NHSL1: variants seen among roughly 807,000 people sequenced by gnomAD.
NHSL1 encodes NHS-like protein 1.
In NHSL1, 48 loss-of-function variants were observed where a neutral mutation model predicts 95.0. That is an observed-to-expected ratio of 0.51 (90% confidence interval 0.40 to 0.64). The LOEUF is 0.64. NHSL1 is among the 30% of genes least tolerant of loss of function. NHSL1 has a pLI of 0.00. For missense variants in NHSL1, 1,971 were observed against 2,077.7 expected (o/e 0.95, Z 1.00); for synonymous variants, 783 against 833.9 (o/e 0.94, Z 1.05).
chr6:138,642,313 A>G (rs75223517), intron 1 of NHSL1, among the ~76,000 whole-genome samples: 6,946 of 152,298 alleles, frequency 0.046, 222 homozygotes, highest in South Asian at 0.076. Context: ...TTGCAATTTT[A>G]TACACACATG....
chr6:138,554,088 G>A (rs2128335337), intron 1 of NHSL1, among the ~76,000 whole-genome samples: 1 of 152,306 alleles, frequency 6.6e-6, no homozygotes, highest in East Asian at 1.9e-4. Flanking sequence ...ATAAGGAACT[G>A]TATTATAGGA....
At chr6:138,550,786 C>T (rs1456891443) in intron 1 of NHSL1, among the ~76,000 whole-genome samples, 22 of 152,146 alleles carry the variant, frequency 1.4e-4, no homozygotes, top group Non-Finnish European at 1.5e-5. Flanking sequence ...CAAAATTTGA[C>T]TTCATTCCTG....
intron 1 of NHSL1, among the ~76,000 whole-genome samples, chr6:138,638,273 T>C (rs1029655205): frequency 6.6e-6 from 1 of 152,144 alleles, no homozygotes; most frequent in Non-Finnish European, 1.5e-5. Context: ...GAATAAGACA[T>C]AGTATTTGAC....
At chr6:138,674,635 C>A (rs1785424767) in intron 1 of NHSL1, among the ~76,000 whole-genome samples, 1 of 152,160 alleles carries the variant, frequency 6.6e-6, no homozygotes, top group Non-Finnish European at 1.5e-5. Flanking sequence ...CGTGTCCCTG[C>A]AAAGAACATG....
chr6:138,535,928 C>G (rs1045482956), intron 1 of NHSL1, among the ~76,000 whole-genome samples: 2 of 152,148 alleles, frequency 1.3e-5, no homozygotes, highest in Non-Finnish European at 2.9e-5. Context: ...GGCATCCATA[C>G]AGACTGATCT....
At chr6:138,583,137 G>A (rs1046921717) in intron 1 of NHSL1, among the ~76,000 whole-genome samples, 2 of 152,142 alleles carry the variant, frequency 1.3e-5, no homozygotes, top group East Asian at 3.9e-4. Flanking sequence ...AGGATGGCTG[G>A]TCACCTTGGC....
chr6:138,607,985 C>A (rs1016699959), intron 1 of NHSL1, among the ~76,000 whole-genome samples: 1 of 152,196 alleles, frequency 6.6e-6, no homozygotes, highest in Non-Finnish European at 1.5e-5. Context: ...GGGCTGAGCT[C>A]CCCCAAGTCC....
At position 138,424,704 on chromosome 6, in the gene NHSL1, T is replaced by G; in HGVS notation, c.4198A>C (p.Lys1400Gln). 1 of 1,551,502 alleles carries G rather than the reference T, an allele frequency of 6.4e-7. No homozygotes were observed. Residue 1400 changes from lysine to glutamine, a missense_variant, in exon 8 of 8, where the codon AAG (lysine) becomes CAG (glutamine). Transcript: ENST00000343505. The surrounding 1 kb of genome is among the most constrained non-coding windows in gnomAD (Gnocchi z 5.9). ...TGAAPSLASP[K>Q]QVGSIQRSIR... ...CTTCTCTGAATCGACCCCACTTGCTTTGGAGAGGCCAGGCTTGGGGCAGCG... is the reference window on the plus strand; with the variant it reads ...CTTCTCTGAATCGACCCCACTTGCTGTGGAGAGGCCAGGCTTGGGGCAGCG...
intron 1 of NHSL1, among the ~76,000 whole-genome samples, chr6:138,590,555 C>T (rs915655417): frequency 2.6e-5 from 4 of 152,088 alleles, no homozygotes; most frequent in African/African-American, 9.7e-5. Flanking sequence ...ACTGCTATCC[C>T]GGGGCCTCTG....
chr6:138,641,146 T>C (rs1360469954), intron 1 of NHSL1, among the ~76,000 whole-genome samples: 1 of 152,092 alleles, frequency 6.6e-6, no homozygotes, highest in Non-Finnish European at 1.5e-5. Context: ...CTATTAAAAA[T>C]ACAAAAATTA....
chr6:138,498,339 T>A (rs1172105479), intron 1 of NHSL1, among the ~76,000 whole-genome samples: 1 of 152,194 alleles, frequency 6.6e-6, no homozygotes, highest in African/African-American at 2.4e-5. Context: ...CTGGCTCCTA[T>A]GAAAAAGTCT....
At chr6:138,523,174 A>G (rs1334981544) in intron 1 of NHSL1, among the ~76,000 whole-genome samples, 1 of 152,166 alleles carries the variant, frequency 6.6e-6, no homozygotes, top group Non-Finnish European at 1.5e-5. Context: ...TCAGGCCAAT[A>G]AAGTTTTGCG....
chr6:138,584,122 T>A (rs532446239), intron 1 of NHSL1, among the ~76,000 whole-genome samples: 1 of 152,180 alleles, frequency 6.6e-6, no homozygotes, highest in East Asian at 1.9e-4. Flanking sequence ...TTATCTCAAG[T>A]AAATAAATAA....
intron 3 of NHSL1, among the ~76,000 whole-genome samples, chr6:138,467,700 A>C (rs1369397936): frequency 6.6e-6 from 1 of 152,222 alleles, no homozygotes; most frequent in East Asian, 1.9e-4. Context: ...CTTGTGTCTT[A>C]GTGTTTAATA....
In NHSL1 at chr6:138,430,682, G is replaced by A. The variant is rs747109772; in HGVS notation, c.3663C>T (p.Ser1221=). The A allele has an allele frequency of 1.9e-6, 3 of 1,551,528 alleles. No individual in the cohort carries two copies. The highest frequency in any genetic ancestry group is 2.4e-5 in the East Asian group (1 of 40,926). The part of the protein sequence containing the change: ...DFAVEPAENV[S]EALRAVPSPT... Reference sequence around the variant, plus strand: ...GGCTGGGCACAGCTCGGAGGGCTTCGCTCACGTTCTCTGCGGGCTCCACTG... The same window carrying A: ...GGCTGGGCACAGCTCGGAGGGCTTCACTCACGTTCTCTGCGGGCTCCACTG... The change falls in exon 6 of 8, where the codon AGC becomes AGT. Residue 1221 remains serine, a synonymous_variant. Coordinates refer to ENST00000343505, the MANE Select transcript of NHSL1 (RefSeq NM_001144060.2). This position sits in a 1 kb window ranked among gnomAD's most constrained non-coding sequence, Gnocchi z 4.7.
At position 138,430,531 on chromosome 6, in the gene NHSL1, A is replaced by G; in HGVS notation, c.3814T>C (p.Ser1272Pro). 6.4e-7 allele frequency: 1 copy of G among 1,551,290 alleles called. No homozygotes were observed. The highest frequency in any genetic ancestry group is 8.7e-7 in the Non-Finnish European group (1 of 1,146,766). The stretch of plus-strand genomic sequence containing the variant: ...ACATTGGCTTCCACTCTGCTGGGAG[A>G]CATGGATCCTGCAGCTCCTCCCTCA... ...VLEGGAAGSM[S>P]PSRVEANVPM... The change falls in exon 6 of 8, where the codon TCT (serine) becomes CCT (proline). Residue 1272 changes from serine to proline, a missense_variant. By Grantham distance (74) the Ser-to-Pro change is moderately conservative. Coordinates refer to ENST00000343505, the MANE Select transcript of NHSL1 (RefSeq NM_001144060.2). The surrounding 1 kb of genome is among the most constrained non-coding windows in gnomAD (Gnocchi z 4.7).
intron 3 of NHSL1, among the ~76,000 whole-genome samples, chr6:138,469,236 C>T (rs950066531): frequency 2.0e-5 from 3 of 152,180 alleles, no homozygotes; most frequent in African/African-American, 7.2e-5. Context: ...GCCAACTAAG[C>T]AGCCAATCAC....
intron 1 of NHSL1, chr6:138,691,846 C>G (rs966153166): frequency 2.2e-5 from 10 of 454,266 alleles, no homozygotes; most frequent in African/African-American, 2.0e-4. Context: ...AGCCTGAACT[C>G]AAGGTCAACG....
chr6:138,456,466 C>T lies in NHSL1; in HGVS notation c.340-9273G>A, dbSNP rs191000681. Among the ~76,000 whole-genome samples, 553 of 152,310 alleles carry T rather than the reference C, an allele frequency of 3.6e-3. 6 individuals are homozygous for T. Among genetic ancestry groups the T allele is most frequent in the Non-Finnish European group, 4.5e-3 (308 of 68,020 alleles). On this transcript the variant is annotated intron_variant, in intron 3 of 7. Coordinates refer to ENST00000343505, the MANE Select transcript of NHSL1 (RefSeq NM_001144060.2). ...GCTGACATGCCAGTTCAAAGAATAA[C>T]AGGAAACAGGGAAATTTCGATTTCT...
Sources: allele counts gnomAD v4.1 joint callset (sites outside exome capture counted in the v4.1 genomes callset), GRCh38; gene constraint gnomAD v4.1.1; non-coding constraint Gnocchi (gnomAD v3.1); transcripts MANE v1.5; gene names NCBI Gene and HGNC (gene_info 2026-07-23, HGNC 2026-07-21).